The following RPS13 variants were observed in gnomAD, a reference collection of about 807,000 sequenced individuals.
RPS13 encodes the protein small ribosomal subunit protein uS15.
A neutral mutation model predicts 24.6 loss-of-function variants in RPS13; 1 was observed. That is an observed-to-expected ratio of 0.04 (90% CI 0.01 to 0.19). The LOEUF is 0.19. Among genes scored for constraint, RPS13 ranks in the 10% least tolerant of loss-of-function variants. The probability of loss-of-function intolerance (pLI) is 1.00; values close to 1 mark genes in which losing one functional copy is unlikely to be tolerated. For missense variants in RPS13, 88 were observed against 187.4 expected (o/e 0.47, Z 3.10); for synonymous variants, 69 against 65.3 (o/e 1.06, Z -0.27).
intron 5 of RPS13, 53 bp from the exon 6 acceptor site, chr11:17,074,519 C>T (rs1236365080): frequency 2.3e-6 from 3 of 1,304,568 alleles, no homozygotes; most frequent in Non-Finnish European, 3.3e-6. Context: ...ACTAGTCCCT[C>T]CACATTCATT....
rs1177286352 is a variant in RPS13, at chr11:17,075,964, C to T, written c.152-341G>A. 2.3e-5 allele frequency: 9 copies of T among 392,736 alleles called. No homozygotes were observed. The East Asian group carries it at 4.0e-4, about 18-fold the overall frequency. 24.3% of individuals were successfully genotyped at this position (392,736 alleles called of 1,614,324 possible). ...CAGATATTCTTCTAAAAACTTTACACGTTATTTCTTTTAAACCTCTAATGA... is the reference window on the plus strand; with the variant it reads ...CAGATATTCTTCTAAAAACTTTACATGTTATTTCTTTTAAACCTCTAATGA... On this transcript the variant is annotated intron_variant, in intron 3 of 5. Coordinates refer to ENST00000525634, the MANE Select transcript of RPS13 (RefSeq NM_001017.3).
chr11:17,075,404 A>T, intron 4 of RPS13, 50 bp downstream of exon 4: 1 of 1,418,126 alleles, frequency 7.1e-7, no homozygotes, highest in Non-Finnish European at 9.6e-7. Flanking sequence ...TACCGAAAAA[A>T]TTTAGTACAA....
intron 3 of RPS13, chr11:17,076,853 T>A (rs1848031564): frequency 2.2e-6 from 1 of 451,418 alleles, no homozygotes; most frequent in African/African-American, 2.0e-5. Flanking sequence ...TGTGAGGAAC[T>A]GTGTCAGGCA....
Position 17,077,394 on chromosome 11 carries a change from C to A in RPS13, c.72+35G>T, listed in dbSNP as rs779764220. On this transcript the variant is annotated intron_variant, in intron 2 of 5. Transcript: ENST00000525634. The stretch of plus-strand genomic sequence containing the variant: ...CACCCGAGACAAATGCCAACCCCCT[C>A]CCCGGATTCTCCCCGGTCCCAGCGC... 1.3e-5 allele frequency: 20 copies of A among 1,598,704 alleles called. No individual in the cohort carries two copies. The South Asian group carries it at 1.3e-4, about 11-fold the overall frequency.
chr11:17,077,127 G>C, intron 3 of RPS13, 41 bp downstream of exon 3: 1 of 1,446,686 alleles, frequency 6.9e-7, no homozygotes, highest in Non-Finnish European at 9.7e-7. Context: ...CAAGTCACAC[G>C]AGGACAGGCG....
chr11:17,075,773 T>C, intron 3 of RPS13, 150 bp from the exon 4 acceptor site: 1 of 712,534 alleles, frequency 1.4e-6, no homozygotes, highest in Non-Finnish European at 2.5e-6. Flanking sequence ...AGAATGCACA[T>C]AAAGCTCACT....
Position 17,077,493 on chromosome 11 carries a change from G to C in RPS13, c.24-16C>G, listed in dbSNP as rs761551221. 1 of 1,614,066 alleles carries C rather than the reference G, an allele frequency of 6.2e-7. No homozygotes were observed. Among genetic ancestry groups the C allele is most frequent in the East Asian group, 2.2e-5 (1 of 44,876 alleles). ...CAGGCCCTTCCTGGGGAGAGAAGCAGTCTCGAGGTGAGGTGGCGGCTAGTG... is the reference window on the plus strand; with the variant it reads ...CAGGCCCTTCCTGGGGAGAGAAGCACTCTCGAGGTGAGGTGGCGGCTAGTG... On this transcript the variant is annotated splice_polypyrimidine_tract_variant and intron_variant, in intron 1 of 5. Transcript: ENST00000525634.
At position 17,074,421 on chromosome 11, in the gene RPS13, A is replaced by C. The variant is rs1344521915; in HGVS notation, c.*12T>G. On this transcript the variant is annotated 3_prime_UTR_variant, in exon 6 of 6. Coordinates refer to ENST00000525634, the MANE Select transcript of RPS13 (RefSeq NM_001017.3). ...TAAACAATCATTTTATTGCTTGAGT[A>C]CACAGACAAATTTATGCGACCAGGG... The C allele has an allele frequency of 6.2e-7, 1 of 1,601,834 alleles. No homozygotes were observed.
chr11:17,075,430 A>T, intron 4 of RPS13, 24 bp downstream of exon 4: 1 of 1,526,524 alleles, frequency 6.6e-7, no homozygotes, highest in Non-Finnish European at 8.8e-7. Context: ...CCTACTTAGC[A>T]CCAGGTTTTA....
In RPS13 at chr11:17,074,468, TGAAAAA is replaced by T; in HGVS notation, c.423-8_423-3del. 6.2e-7 allele frequency: 1 copy of T among 1,609,822 alleles called. No individual in the cohort carries two copies. Among genetic ancestry groups the T allele is most frequent in the Non-Finnish European group, 8.5e-7 (1 of 1,177,122 alleles). On this transcript the variant is annotated splice_region_variant and splice_polypyrimidine_tract_variant and intron_variant, in intron 5 of 5. Coordinates refer to ENST00000525634, the MANE Select transcript of RPS13 (RefSeq NM_001017.3). ...AGGGCAGAGGCTGTAGATGATTCAC[TGAAAAA>T]GAAAAAAGGGGAAAGAAAGAAAATC...
chr11:17,074,491 A>G (rs1385302310), intron 5 of RPS13, 25 bp from the exon 6 acceptor site: 1 of 1,596,334 alleles, frequency 6.3e-7, no homozygotes. Flanking sequence ...AGGGGAAAGA[A>G]AGAAAATCAG....
chr11:17,076,395 A>G, intron 3 of RPS13: 1 of 302,952 alleles, frequency 3.3e-6, no homozygotes, highest in South Asian at 2.4e-5. Context: ...GTCTCAAACA[A>G]AAACACACAA....
At position 17,074,568 on chromosome 11, in the gene RPS13, TTAA is replaced by T. The variant is rs1158052818; in HGVS notation, c.423-105_423-103del. The T allele has an allele frequency of 3.3e-6, 3 of 909,180 alleles. No homozygotes were observed. In the African/African-American group the frequency reaches 5.0e-5, roughly 15 times the overall value. The allele number at this position is 909,180 out of a possible 1,614,324, so 56.3% of individuals were successfully genotyped here. On this transcript the variant is annotated intron_variant, in intron 5 of 5. Transcript: ENST00000525634. ...CACTAATGGTGCTATTCTCAAACAG[TTAA>T]TAAATCCAAACTATATAAAGTGCAC...
intron 2 of RPS13, 78 bp downstream of exon 2, chr11:17,077,351 C>T: frequency 1.3e-6 from 2 of 1,583,852 alleles, no homozygotes; most frequent in Non-Finnish European, 1.7e-6. Flanking sequence ...ACGCAAGTTC[C>T]TCACCCTGGC....
chr11:17,074,981 C>T (rs570332015), intron 5 of RPS13, 116 bp downstream of exon 5: 1 of 725,484 alleles, frequency 1.4e-6, no homozygotes, highest in African/African-American at 1.8e-5. Flanking sequence ...CAAAATAGCC[C>T]CCAAGGCTGA....
chr11:17,077,296 C>A, intron 2 of RPS13, 50 bp from the exon 3 acceptor site: 1 of 1,580,220 alleles, frequency 6.3e-7, no homozygotes, highest in East Asian at 2.2e-5. Context: ...GGAATGGCGC[C>A]GCAGAACAGC....
At chr11:17,074,783 G>C (rs768832236) in intron 5 of RPS13, 5 of 662,716 alleles carry the variant, frequency 7.5e-6, no homozygotes, top group South Asian at 1.5e-5. Flanking sequence ...CCTGGGAGTA[G>C]AGGTATGAAA....
rs758787169 is a variant in RPS13, at chr11:17,075,133, T to C, written c.386A>G (p.Tyr129Cys). Residue 129 changes from tyrosine (Y) to cysteine (C), a missense_variant, in exon 5 of 6, where the codon TAT becomes TGT. Physicochemically the swap from Tyr to Cys is radical, Grantham distance 194. Transcript: ENST00000525634. ...ESRIHRLARY[Y>C]KTKRVLPPNW... ...GGGAGGGAGGACTCGCTTGGTCTTA[T>C]AATATCGAGCCAAACGGTGAATCCG... 7 of 1,611,996 alleles carry C rather than the reference T, an allele frequency of 4.3e-6. No homozygotes were observed. Among genetic ancestry groups the C allele is most frequent in the African/African-American group, 1.3e-5 (1 of 74,924 alleles).
intron 5 of RPS13, 125 bp from the exon 6 acceptor site, chr11:17,074,591 G>C (rs747985449): frequency 5.0e-6 from 4 of 803,430 alleles, no homozygotes; most frequent in Non-Finnish European, 8.6e-6. Flanking sequence ...ACTATATAAA[G>C]TGCACCAAAC....
Sources: gnomAD v4.1 joint callset for allele counts on GRCh38, gnomAD v4.1.1 for gene constraint, MANE v1.5 for transcripts, NCBI Gene and HGNC (gene_info 2026-07-23, HGNC 2026-07-21) for gene names.